TNRC6B: variants seen among roughly 807,000 people sequenced by gnomAD.
TNRC6B encodes trinucleotide repeat-containing gene 6B protein.
Under a neutral mutation model 203.6 loss-of-function variants are expected in TNRC6B, and 52 were observed. That is an observed-to-expected ratio of 0.26 (90% CI 0.20 to 0.32). The LOEUF (loss-of-function observed/expected upper bound fraction) is 0.32, where lower values mean the gene tolerates loss of function less well. Ranked by LOEUF, TNRC6B falls within the 10% of genes least tolerant of loss-of-function variation. The pLI, the probability that TNRC6B is intolerant of heterozygous loss-of-function variation, is 1.00. For missense variants in TNRC6B, 1,923 were observed against 2,286.2 expected (o/e 0.84, Z 3.24); for synonymous variants, 838 against 845.7 (o/e 0.99, Z 0.16).
chr22:40,319,426 T>TC lies in TNRC6B; in HGVS notation c.4975-1664_4975-1663insC, dbSNP rs1204833354. Among the ~76,000 whole-genome samples, 536 of 148,666 alleles carry TC rather than the reference T, an allele frequency of 3.6e-3. 4 individuals carry two copies. Among genetic ancestry groups the TC allele is most frequent in the African/African-American group, 0.012 (485 of 40,660 alleles). On this transcript the variant is annotated intron_variant, in intron 21 of 22. Coordinates refer to ENST00000454349, the MANE Select transcript of TNRC6B (RefSeq NM_001162501.2). ...TGTTGTTATAACTTTTCTTTTCTTT[T>TC]TTTTTTTTTTTTTTTGAGACAGAGT...
chr22:40,159,263 G>A (rs573430038), intron 4 of TNRC6B, among the ~76,000 whole-genome samples: 19 of 149,338 alleles, frequency 1.3e-4, no homozygotes, highest in African/African-American at 3.9e-4. Context: ...GCACCTGGCC[G>A]GAACTGAGTA....
At chr22:40,200,955 T>G (rs2069404530) in intron 1 of TNRC6B, among the ~76,000 whole-genome samples, 1 of 152,162 alleles carries the variant, frequency 6.6e-6, no homozygotes, top group Non-Finnish European at 1.5e-5. Flanking sequence ...GAAATCTTAC[T>G]CAACTTCACT....
chr22:40,124,096 T>C (rs2068467131), intron 2 of TNRC6B, among the ~76,000 whole-genome samples: 1 of 152,108 alleles, frequency 6.6e-6, no homozygotes, highest in Non-Finnish European at 1.5e-5. Flanking sequence ...CACATAAATA[T>C]GCATTTGTTC....
At position 40,267,171 on chromosome 22, in the gene TNRC6B, G is replaced by T. The variant is rs1040508255; in HGVS notation, c.2806+135G>T. The stretch of plus-strand genomic sequence containing the variant: ...TACAGTTTCTACTCTGTTGCTAACA[G>T]AACCTCTTTTTATGAAATGCTAGTG... On this transcript the variant is annotated intron_variant, in intron 5 of 22. Coordinates refer to ENST00000454349, the MANE Select transcript of TNRC6B (RefSeq NM_001162501.2). The T allele has an allele frequency of 2.7e-5, 25 of 912,098 alleles. 2 individuals carry two copies. The Admixed American group carries it at 5.2e-4, about 19-fold the overall frequency. 56.5% of individuals were successfully genotyped at this position (912,098 alleles called of 1,614,324 possible).
At chr22:40,270,975 A>G (rs1022408182) in intron 6 of TNRC6B, among the ~76,000 whole-genome samples, 1 of 152,256 alleles carries the variant, frequency 6.6e-6, no homozygotes, top group African/African-American at 2.4e-5. Flanking sequence ...TGTGCTGCCC[A>G]GTGACTTCAT....
chr22:40,297,526 TC>T (rs1184866767), intron 12 of TNRC6B, among the ~76,000 whole-genome samples: 1 of 152,024 alleles, frequency 6.6e-6, no homozygotes, highest in Non-Finnish European at 1.5e-5. Flanking sequence ...AATTAAAAAA[TC>T]AATAAAAATT....
intron 1 of TNRC6B, among the ~76,000 whole-genome samples, chr22:40,075,146 A>ATG (rs2067995837): frequency 1.4e-5 from 1 of 69,396 alleles, no homozygotes; most frequent in African/African-American, 1.1e-4. Context: ...TCATATATAT[A>ATG]TATATATATA....
intron 1 of TNRC6B, among the ~76,000 whole-genome samples, chr22:40,114,704 C>T (rs149273110): frequency 5.0e-4 from 76 of 152,146 alleles, no homozygotes; most frequent in African/African-American, 1.7e-3. Flanking sequence ...CTGAACATTC[C>T]CACCCCTTCT....
rs866399839 is a variant in TNRC6B at position 40,262,932 on chromosome 22, C to T, written c.457+759C>T. Among the ~76,000 whole-genome samples, 19 of 151,486 alleles carry T rather than the reference C, an allele frequency of 1.3e-4. No individual in the cohort carries two copies. The Middle Eastern group carries it at 0.014, about 108-fold the overall frequency. On this transcript the variant is annotated intron_variant, in intron 4 of 22. Coordinates refer to ENST00000454349, the MANE Select transcript of TNRC6B (RefSeq NM_001162501.2). ...GCGGGCTCCTGTAGTCCCAGCTACT[C>T]GGGAGGCTGAGGCAGGAGAATGGCG...
chr22:40,182,056 A>C (rs2069138241), intron 1 of TNRC6B, among the ~76,000 whole-genome samples: 1 of 152,036 alleles, frequency 6.6e-6, no homozygotes, highest in African/African-American at 2.4e-5. Flanking sequence ...CAGCCTGGAC[A>C]ATATGGTGAA....
intron 1 of TNRC6B, among the ~76,000 whole-genome samples, chr22:40,207,135 G>C (rs1195882299): frequency 6.6e-6 from 1 of 151,990 alleles, no homozygotes; most frequent in Non-Finnish European, 1.5e-5. Flanking sequence ...TAAGGATCAA[G>C]TCATACACCA....
intron 1 of TNRC6B, among the ~76,000 whole-genome samples, chr22:40,211,615 A>G (rs370304096): frequency 3.3e-5 from 5 of 152,318 alleles, no homozygotes; most frequent in East Asian, 1.9e-4. Context: ...CTAAGTTACT[A>G]GGAAGCCTCG....
At chr22:40,295,662 A>G (rs916197890) in intron 12 of TNRC6B, among the ~76,000 whole-genome samples, 2 of 152,090 alleles carry the variant, frequency 1.3e-5, no homozygotes, top group South Asian at 2.1e-4. Context: ...ATAATGGGAC[A>G]TTTTCAGAAG....
At chr22:40,048,755 C>T (rs1439778355) in intron 1 of TNRC6B, among the ~76,000 whole-genome samples, 1 of 151,790 alleles carries the variant, frequency 6.6e-6, no homozygotes, top group Non-Finnish European at 1.5e-5. Context: ...TCCATCACTC[C>T]AAAAAAAACT....
At chr22:40,080,282 G>A (rs986233057) in intron 1 of TNRC6B, among the ~76,000 whole-genome samples, 8 of 151,148 alleles carry the variant, frequency 5.3e-5, no homozygotes, top group African/African-American at 1.9e-4. Flanking sequence ...TGTCCCTAGG[G>A]CATTGTATTG....
chr22:40,319,204 A>G (rs957842578), intron 21 of TNRC6B, among the ~76,000 whole-genome samples: 2 of 152,008 alleles, frequency 1.3e-5, no homozygotes, highest in African/African-American at 2.4e-5. Context: ...TTAAAAGGTT[A>G]TAAGAGCAAG....
intron 1 of TNRC6B, among the ~76,000 whole-genome samples, chr22:40,204,366 G>A (rs1292923259): frequency 6.6e-6 from 1 of 151,756 alleles, no homozygotes; most frequent in African/African-American, 2.4e-5. Flanking sequence ...AATTTTTTTT[G>A]CCTTTGTTGG....
Position 40,262,080 on chromosome 22 carries a change from G to A in TNRC6B, c.364G>A (p.Ala122Thr), listed in dbSNP as rs1208036810. Residue 122 changes from alanine (A) to threonine (T), a missense_variant, in exon 4 of 23, where the codon GCA becomes ACA. This residue lies in a region of TNRC6B where 614 missense variants were observed against 587.7 expected (regional missense o/e 1.04). Coordinates refer to ENST00000454349, the MANE Select transcript of TNRC6B (RefSeq NM_001162501.2). ...PPSCMLLGGGAGPPPCTAPGA... is the reference protein window; with the variant it reads ...PPSCMLLGGGTGPPPCTAPGA... ...GTCCTGCATGCTCCTTGGGGGTGGG[G>A]CAGGGCCTCCTCCCTGCACAGCACC... is the stretch of plus-strand genomic sequence containing the variant. 5 of 1,573,286 alleles carry A rather than the reference G, an allele frequency of 3.2e-6. No homozygotes were observed. The highest frequency in any genetic ancestry group is 4.6e-5 in the East Asian group (2 of 43,916).
chr22:40,150,916 G>A (rs1439090695), intron 3 of TNRC6B, among the ~76,000 whole-genome samples: 3 of 152,018 alleles, frequency 2.0e-5, no homozygotes, highest in Non-Finnish European at 2.9e-5. Flanking sequence ...CTAACCCCTG[G>A]ATAAGGAAAC....
Sources: gnomAD v4.1 joint callset for allele counts (sites outside exome capture counted in the v4.1 genomes callset) on GRCh38, gnomAD v4.1.1 for gene constraint, gnomAD v4.1.1 regional missense constraint, MANE v1.5 for transcripts, NCBI Gene and HGNC (gene_info 2026-07-23, HGNC 2026-07-21) for gene names.